Variants in ZNF341 observed in about 807,000 individuals in gnomAD.
ZNF341 encodes the protein zinc finger protein 341.
Under a neutral mutation model 87.7 loss-of-function variants are expected in ZNF341, and 52 were observed. That is an observed-to-expected ratio of 0.59 (90% CI 0.47 to 0.75). The LOEUF is 0.75. Among genes scored for constraint, ZNF341 ranks in the 30% least tolerant of loss-of-function variants. The pLI is 0.00. For missense variants in ZNF341, 977 were observed against 1,145.9 expected (o/e 0.85, Z 2.13); for synonymous variants, 459 against 472.7 (o/e 0.97, Z 0.38).
At chr20:33,751,208 C>T (rs1166090718) in intron 4 of ZNF341, among the ~76,000 whole-genome samples, 1 of 152,110 alleles carries the variant, frequency 6.6e-6, no homozygotes, top group Non-Finnish European at 1.5e-5. Flanking sequence ...AGTCACTATC[C>T]ATAAACAGAC....
At chr20:33,736,127 CA>C (rs1354681295) in intron 1 of ZNF341, among the ~76,000 whole-genome samples, 1,680 of 118,392 alleles carry the variant, frequency 0.014, 16 homozygotes, top group African/African-American at 0.043. Flanking sequence ...GACCCTGTCT[CA>C]AAAAAAAAAA....
intron 1 of ZNF341, among the ~76,000 whole-genome samples, chr20:33,734,981 C>T (rs189998604): frequency 2.4e-4 from 37 of 151,656 alleles, no homozygotes; most frequent in Admixed American, 2.4e-3. Flanking sequence ...GCTGGGATTA[C>T]AGGCATGAGC....
chr20:33,755,960 C>G (rs188406102), intron 5 of ZNF341, among the ~76,000 whole-genome samples: 1 of 152,126 alleles, frequency 6.6e-6, no homozygotes, highest in African/African-American at 2.4e-5. Context: ...CAGGGGCTCA[C>G]GCCTGTAATC....
chr20:33,791,829 G>T lies in ZNF341; in HGVS notation c.*312G>T, dbSNP rs2020045054. 2 of 329,392 alleles carry T rather than the reference G, an allele frequency of 6.1e-6. No individual in the cohort carries two copies. Among genetic ancestry groups the T allele is most frequent in the East Asian group, 4.8e-5 (1 of 20,972 alleles). 20.4% of individuals were successfully genotyped at this position (329,392 alleles called of 1,614,324 possible). A position where few individuals can be genotyped will look rare whatever the true frequency, so the allele number is the denominator to read the frequency against. On this transcript the variant is annotated 3_prime_UTR_variant, in exon 15 of 15. Transcript: ENST00000375200. Reference sequence around the variant, plus strand: ...CCGCTGGTCTAGGCTGGTGGTCGGGGCCCCTGGGAGAGGAGACAGGGCATT... The same window carrying T: ...CCGCTGGTCTAGGCTGGTGGTCGGGTCCCCTGGGAGAGGAGACAGGGCATT...
rs186635468 is a variant in ZNF341, at chr20:33,788,846, G to A, written c.1853-17G>A. The A allele has an allele frequency of 5.2e-3, 8,435 of 1,610,766 alleles. 23 individuals carry two copies. The highest frequency in any genetic ancestry group is 6.4e-3 in the Non-Finnish European group (7,529 of 1,177,332). ...CTCCTGGTGAGTGCTGGCTCTCCCT[G>A]TCTGTGTCTGCTGCAGGTGAGAAGC... On this transcript the variant is annotated splice_polypyrimidine_tract_variant and intron_variant, in intron 12 of 14. Transcript: ENST00000375200.
intron 2 of ZNF341, 37 bp from the exon 3 acceptor site, chr20:33,745,066 G>A: frequency 3.8e-6 from 6 of 1,574,934 alleles, no homozygotes; most frequent in Non-Finnish European, 5.2e-6. Flanking sequence ...ACCTTCATCT[G>A]TGGCCTCTTC....
chr20:33,746,390 C>T (rs1440680379), intron 3 of ZNF341, among the ~76,000 whole-genome samples: 3 of 151,596 alleles, frequency 2.0e-5, no homozygotes, highest in African/African-American at 4.9e-5. Context: ...CGCACCACCA[C>T]GCCCAGCTGA....
intron 12 of ZNF341, among the ~76,000 whole-genome samples, chr20:33,784,542 A>G (rs1237495148): frequency 7.3e-6 from 1 of 137,142 alleles, no homozygotes; most frequent in Non-Finnish European, 1.5e-5. Context: ...GCCTTAATTC[A>G]TGAACAAGGG....
chr20:33,747,766 G>A (rs2018964315), intron 3 of ZNF341, among the ~76,000 whole-genome samples: 2 of 146,902 alleles, frequency 1.4e-5, no homozygotes, highest in African/African-American at 5.0e-5. Flanking sequence ...GCTGGCCTTG[G>A]CTCACTGCAA....
intron 12 of ZNF341, among the ~76,000 whole-genome samples, chr20:33,785,467 A>T (rs2019835265): frequency 6.6e-6 from 1 of 152,022 alleles, no homozygotes; most frequent in Non-Finnish European, 1.5e-5. Context: ...CCTCCCGAGT[A>T]GCTGGGATTA....
At chr20:33,753,032 A>G (rs550043028) in intron 4 of ZNF341, 140 bp from the exon 5 acceptor site, 101 of 1,226,586 alleles carry the variant, frequency 8.2e-5, no homozygotes, top group Non-Finnish European at 1.1e-4. Flanking sequence ...TGTTTCCCCA[A>G]CCTCTCTTAG....
intron 10 of ZNF341, among the ~76,000 whole-genome samples, chr20:33,778,500 G>A (rs1269743720): frequency 6.6e-6 from 1 of 152,126 alleles, no homozygotes; most frequent in East Asian, 1.9e-4. Flanking sequence ...TAGTAAAGAC[G>A]GCATTTCTCC....
rs1288153900 is a variant in ZNF341, at chr20:33,753,262, C to T, written c.580C>T (p.Pro194Ser). 2 of 1,612,016 alleles carry T rather than the reference C, an allele frequency of 1.2e-6. No homozygotes were observed. The highest frequency in any genetic ancestry group is 2.2e-5 in the South Asian group (2 of 90,986). Residue 194 changes from proline to serine, a missense_variant, in exon 5 of 15, where the codon CCT becomes TCT. By Grantham distance (74) the Pro-to-Ser change is moderately conservative. Transcript: ENST00000375200. ...TCCACCACTGCCCCCACCGCCACCA[C>T]CTCAGCCTCCACCACCTCCACCCCA... ...PPPPLPPPPP[P>S]QPPPPPPQSL...
chr20:33,768,403 G>A (rs1484391370), intron 9 of ZNF341, among the ~76,000 whole-genome samples: 1 of 150,608 alleles, frequency 6.6e-6, no homozygotes, highest in African/African-American at 2.4e-5. Flanking sequence ...GATTACAGGT[G>A]TGAGCCACCG....
intron 11 of ZNF341, among the ~76,000 whole-genome samples, chr20:33,782,362 AT>A (rs1175079370): frequency 6.6e-6 from 1 of 152,074 alleles, no homozygotes; most frequent in Non-Finnish European, 1.5e-5. Flanking sequence ...AAACTGGGCC[AT>A]TTGGTTCAGC....
At chr20:33,777,247 C>T (rs573259243) in intron 10 of ZNF341, among the ~76,000 whole-genome samples, 4 of 140,416 alleles carry the variant, frequency 2.8e-5, no homozygotes, top group Admixed American at 7.7e-5. Context: ...TGCTTTAGCC[C>T]GGGAGGTACA....
At chr20:33,788,428 AAAT>A (rs973531782) in intron 12 of ZNF341, 2 of 205,878 alleles carry the variant, frequency 9.7e-6, no homozygotes, top group Non-Finnish European at 2.0e-5. Flanking sequence ...GTCTCAAAAA[AAAT>A]AAATAAATAA....
At chr20:33,782,505 C>T (rs902337253) in intron 11 of ZNF341, among the ~76,000 whole-genome samples, 2 of 152,224 alleles carry the variant, frequency 1.3e-5, no homozygotes, top group African/African-American at 4.8e-5. Flanking sequence ...ATTTTGGCCT[C>T]ATTCTGGATG....
Position 33,761,980 on chromosome 20 carries a change from A to G in ZNF341, c.1147A>G (p.Thr383Ala). ...KVWPPGHSGG[T>A]VSRNSVTVQV... ...GTGGCCTCCAGGACACAGTGGTGGC[A>G]CCGTGTCTCGAAACTCTGTGACCGT... Residue 383 changes from threonine to alanine, a missense_variant, in exon 8 of 15, where the codon ACC becomes GCC. Thr to Ala is a moderately conservative substitution (Grantham distance 58). Around this residue, in one of 3 missense-constraint regions of ZNF341, gnomAD observed 515 missense variants for 598.2 expected, o/e 0.86. Transcript: ENST00000375200. The G allele has an allele frequency of 6.2e-7, 1 of 1,607,146 alleles. No homozygotes were observed.
Sources: gnomAD v4.1 joint callset for allele counts (sites outside exome capture counted in the v4.1 genomes callset) on GRCh38, gnomAD v4.1.1 for gene constraint, gnomAD v4.1.1 regional missense constraint, MANE v1.5 for transcripts, NCBI Gene and HGNC (gene_info 2026-07-23, HGNC 2026-07-21) for gene names.